The following PDE1A variants were observed in gnomAD, a reference collection of about 807,000 sequenced individuals.
PDE1A encodes the protein dual specificity calcium/calmodulin-dependent 3',5'-cyclic nucleotide phosphodiesterase 1A.
A neutral mutation model predicts 61.7 loss-of-function variants in PDE1A; 35 were observed. The observed-to-expected ratio is 0.57, with a 90% confidence interval of 0.43 to 0.75. PDE1A has a LOEUF of 0.75. Ranked by LOEUF, PDE1A falls within the 30% of genes least tolerant of loss-of-function variation. PDE1A has a pLI of 0.00. For missense variants in PDE1A, 597 were observed against 630.6 expected (o/e 0.95, Z 0.57); for synonymous variants, 232 against 213.2 (o/e 1.09, Z -0.77).
At chr2:182,697,170 C>T in the PDE1A span, among the ~76,000 whole-genome samples, 2 of 152,224 alleles carry the variant, frequency 1.3e-5, no homozygotes, top group South Asian at 4.1e-4. Flanking sequence ...AAAGCCTGTA[C>T]TAAAATACAA....
chr2:182,639,461 A>T, the PDE1A span, among the ~76,000 whole-genome samples: 1 of 151,968 alleles, frequency 6.6e-6, no homozygotes. Context: ...ACAGCTGCTC[A>T]GGAGGTCGAG....
At chr2:182,474,294 G>C (rs983356903) in intron 2 of PDE1A, among the ~76,000 whole-genome samples, 6 of 151,890 alleles carry the variant, frequency 4.0e-5, no homozygotes, top group Non-Finnish European at 8.8e-5. Context: ...GAGAAAAAAA[G>C]TATTTGTAAA....
chr2:182,508,157 C>G (rs1164788866), intron 2 of PDE1A, among the ~76,000 whole-genome samples: 1 of 147,060 alleles, frequency 6.8e-6, no homozygotes, highest in African/African-American at 2.5e-5. Flanking sequence ...TCAATAGATT[C>G]AAAAAAATCA....
chr2:182,291,241 C>T (rs904544865), intron 1 of PDE1A, among the ~76,000 whole-genome samples: 2 of 152,112 alleles, frequency 1.3e-5, no homozygotes, highest in African/African-American at 2.4e-5. Context: ...ACACATTCAA[C>T]CAAGATTAAA....
At chr2:182,335,756 A>T (rs1299783755) in intron 1 of PDE1A, among the ~76,000 whole-genome samples, 1 of 152,232 alleles carries the variant, frequency 6.6e-6, no homozygotes, top group African/African-American at 2.4e-5. Context: ...CAAAAGCCAA[A>T]ATTGACAAGT....
At chr2:182,559,325 G>A in the PDE1A span, among the ~76,000 whole-genome samples, 1 of 152,174 alleles carries the variant, frequency 6.6e-6, no homozygotes, top group Non-Finnish European at 1.5e-5. Context: ...ACAGAGGTCT[G>A]TAAACTATGG....
At chr2:182,665,676 G>C in the PDE1A span, among the ~76,000 whole-genome samples, 1 of 152,130 alleles carries the variant, frequency 6.6e-6, no homozygotes, top group East Asian at 1.9e-4. Flanking sequence ...CAAAGATCTA[G>C]AACCAGAAAT....
chr2:182,695,684 AAG>A, the PDE1A span, among the ~76,000 whole-genome samples: 484 of 127,700 alleles, frequency 3.8e-3, 20 homozygotes, highest in African/African-American at 0.012. Flanking sequence ...AAAAAAAAAA[AAG>A]AAAAAGAAAA....
chr2:182,511,449 C>A (rs1457757876), intron 2 of PDE1A, among the ~76,000 whole-genome samples: 3 of 152,134 alleles, frequency 2.0e-5, no homozygotes, highest in African/African-American at 4.8e-5. Flanking sequence ...ACTCTCACCA[C>A]AGACCTCCAG....
the PDE1A span, among the ~76,000 whole-genome samples, chr2:182,556,153 A>T: frequency 1.3e-5 from 2 of 152,162 alleles, no homozygotes; most frequent in Non-Finnish European, 2.9e-5. Flanking sequence ...CTGACAAAAG[A>T]AAATCAGAAC....
intron 1 of PDE1A, among the ~76,000 whole-genome samples, chr2:182,365,475 G>A (rs1699784120): frequency 6.6e-6 from 1 of 151,914 alleles, no homozygotes. Flanking sequence ...ACAAAGCAAG[G>A]AGAATCAGAT....
At chr2:182,711,462 G>C in the PDE1A span, among the ~76,000 whole-genome samples, 1 of 151,878 alleles carries the variant, frequency 6.6e-6, no homozygotes, top group African/African-American at 2.4e-5. Flanking sequence ...TAAATGTGGA[G>C]GTGTATATGT....
At chr2:182,221,589 C>T (rs1688732397) in intron 7 of PDE1A, among the ~76,000 whole-genome samples, 5 of 152,032 alleles carry the variant, frequency 3.3e-5, no homozygotes, top group African/African-American at 1.2e-4. Flanking sequence ...ATCTCTGGGA[C>T]CCTGGGGTTT....
At chr2:182,642,641 C>A in the PDE1A span, among the ~76,000 whole-genome samples, 16 of 152,210 alleles carry the variant, frequency 1.1e-4, no homozygotes, top group East Asian at 2.9e-3. Flanking sequence ...TGGCTCCCAT[C>A]TCTTAAAAGG....
the PDE1A span, among the ~76,000 whole-genome samples, chr2:182,637,129 C>A: frequency 6.6e-6 from 1 of 152,216 alleles, no homozygotes; most frequent in Non-Finnish European, 1.5e-5. Context: ...TTAATCACAT[C>A]TGCAAAATTC....
At chr2:182,262,645 C>T (rs925801549) in intron 2 of PDE1A, among the ~76,000 whole-genome samples, 8 of 152,110 alleles carry the variant, frequency 5.3e-5, no homozygotes, top group African/African-American at 1.4e-4. Flanking sequence ...AAGAAAGAAT[C>T]GCTTGTGCAA....
intron 4 of PDE1A, among the ~76,000 whole-genome samples, chr2:182,231,717 C>G (rs1415114661): frequency 3.3e-5 from 5 of 151,944 alleles, no homozygotes; most frequent in Non-Finnish European, 7.4e-5. Flanking sequence ...AGTTCGAGGC[C>G]AGCCTGACCA....
chr2:182,563,176 T>G, the PDE1A span, among the ~76,000 whole-genome samples: 3 of 152,308 alleles, frequency 2.0e-5, no homozygotes, highest in Admixed American at 2.0e-4. Context: ...CTTTCCTGCT[T>G]TCTCTTGTGG....
intron 2 of PDE1A, among the ~76,000 whole-genome samples, chr2:182,509,844 C>T (rs1351580201): frequency 1.3e-5 from 2 of 152,052 alleles, no homozygotes; most frequent in Non-Finnish European, 2.9e-5. Context: ...TTAGAAAGTC[C>T]AGTTTTAAAT....
Sources: gnomAD v4.1 joint callset for allele counts (sites outside exome capture counted in the v4.1 genomes callset) on GRCh38, gnomAD v4.1.1 for gene constraint, MANE v1.5 for transcripts, NCBI Gene and HGNC (gene_info 2026-07-23, HGNC 2026-07-21) for gene names.